Variants in BRD9 observed in about 807,000 individuals in gnomAD.
BRD9 encodes bromodomain containing 9.
In BRD9, 47 loss-of-function variants were observed where a neutral mutation model predicts 68.7. The observed-to-expected ratio is 0.68, with a 90% confidence interval of 0.54 to 0.87. BRD9 has a LOEUF of 0.87. Among genes scored for constraint, BRD9 ranks in the 40% least tolerant of loss-of-function variants. BRD9 has a pLI of 0.00. For synonymous variants in BRD9, 313 were observed against 293.9 expected, an observed-to-expected ratio of 1.06 and a Z score of -0.67; for missense variants, 670 against 748.4, an observed-to-expected ratio of 0.90 and a Z score of 1.22.
rs753463923 is a variant in BRD9 at position 865,594 on chromosome 5, G to A, written c.1526-13C>T. The A allele has an allele frequency of 3.2e-6, 5 of 1,579,058 alleles. No homozygotes were observed. The highest frequency in any genetic ancestry group is 1.3e-5 in the African/African-American group (1 of 74,362). The stretch of plus-strand genomic sequence containing the variant: ...TTCTTCACCTTCCCTGTGTAAACAG[G>A]ACATGACCCCACGTCGGCTGAGCTC... On this transcript the variant is annotated splice_polypyrimidine_tract_variant and intron_variant, in intron 14 of 15. Transcript: ENST00000467963.
chr5:888,081 C>G (rs753868560), intron 5 of BRD9, among the ~76,000 whole-genome samples: 10 of 152,228 alleles, frequency 6.6e-5, no homozygotes, highest in Admixed American at 1.3e-4. Context: ...ACCCCGGAGG[C>G]CGGCCACCCT....
chr5:887,165 C>A (rs1463306858), intron 6 of BRD9, among the ~76,000 whole-genome samples, 196 bp downstream of exon 6: 1 of 152,240 alleles, frequency 6.6e-6, no homozygotes, highest in Non-Finnish European at 1.5e-5. Context: ...TTTCCACCAA[C>A]CCTCAATGAG....
At chr5:889,892 A>G (rs1753106201) in intron 3 of BRD9, 21 of 607,594 alleles carry the variant, frequency 3.5e-5, no homozygotes, top group South Asian at 2.8e-4. Context: ...TACATCAACA[A>G]TATGTGGTGA....
rs550796943 is a variant in BRD9 at position 881,080 on chromosome 5, T to G, written c.1042+27A>C. 20 of 1,611,920 alleles carry G rather than the reference T, an allele frequency of 1.2e-5. No homozygotes were observed. The South Asian group carries it at 2.2e-4, about 18-fold the overall frequency. On this transcript the variant is annotated intron_variant, in intron 9 of 15. Transcript: ENST00000467963. The stretch of plus-strand genomic sequence containing the variant: ...CCCAAAAAGCAGTGTACGGAGAGCA[T>G]AAAGCCAGCCCTGAGCGGGCACCCA...
intron 2 of BRD9, 157 bp from the exon 3 acceptor site, chr5:891,444 G>C: frequency 2.3e-6 from 3 of 1,315,150 alleles, no homozygotes; most frequent in South Asian, 1.5e-5. Flanking sequence ...AGAGACCCTG[G>C]CAGGGTCTGC....
intron 13 of BRD9, among the ~76,000 whole-genome samples, chr5:871,071 G>A (rs1463706411): frequency 6.6e-6 from 1 of 152,208 alleles, no homozygotes; most frequent in Non-Finnish European, 1.5e-5. Flanking sequence ...CAGGTTCCCA[G>A]GGACCCTGGA....
chr5:864,649 T>C (rs1749071474), intron 15 of BRD9, 81 bp from the exon 16 acceptor site: 2 of 1,272,064 alleles, frequency 1.6e-6, no homozygotes, highest in East Asian at 2.4e-5. Flanking sequence ...CAAGGTCTGC[T>C]TCCTGACCTA....
In BRD9 at chr5:891,230, C is replaced by T. The variant is rs1036942086; in HGVS notation, c.325G>A (p.Asp109Asn). ...EHCDTEGEADDFDPGKKVEVE... is the reference protein window; with the variant it reads ...EHCDTEGEADNFDPGKKVEVE... ...TCCACCTTCTTCCCAGGATCAAAGT[C>T]GTCAGCCTCTCCCTCCGTGTCACAG... The change falls in exon 3 of 16, where the codon GAC becomes AAC. Residue 109 changes from aspartate to asparagine, a missense_variant. Asp to Asn is a conservative substitution (Grantham distance 23). This residue lies in a region of BRD9 where 161 missense variants were observed against 148.1 expected (regional missense o/e 1.09). Transcript: ENST00000467963. The T allele has an allele frequency of 4.5e-6, 7 of 1,551,800 alleles. No homozygotes were observed. The African/African-American group carries it at 8.2e-5, about 18-fold the overall frequency.
chr5:885,926 G>A (rs1173234829), intron 7 of BRD9, among the ~76,000 whole-genome samples: 16 of 152,182 alleles, frequency 1.1e-4, no homozygotes, highest in Non-Finnish European at 2.4e-4. Context: ...CAATCTCAAT[G>A]CTCAGCCACC....
intron 8 of BRD9, chr5:883,087 C>T (rs1579979140): frequency 2.8e-6 from 1 of 358,034 alleles, no homozygotes; most frequent in South Asian, 2.1e-5. Context: ...CACGACCTCC[C>T]AACACGTGAG....
chr5:883,783 T>G, intron 8 of BRD9, 155 bp downstream of exon 8: 1 of 1,072,910 alleles, frequency 9.3e-7, no homozygotes, highest in Non-Finnish European at 1.3e-6. Context: ...GAGACCAGCC[T>G]TATGTGTGTC....
intron 3 of BRD9, 161 bp from the exon 4 acceptor site, chr5:889,808 C>A: frequency 6.9e-7 from 1 of 1,445,048 alleles, no homozygotes; most frequent in Admixed American, 2.1e-5. Flanking sequence ...TTGGCTCCCA[C>A]CAAGCTCAGC....
At chr5:889,286 G>T in intron 4 of BRD9, 121 bp from the exon 5 acceptor site, 2 of 1,120,582 alleles carry the variant, frequency 1.8e-6, no homozygotes, top group South Asian at 1.5e-5. Context: ...AAAAAGTTAC[G>T]AGCGTCTTTT....
Position 865,512 on chromosome 5 carries a change from T to C in BRD9, c.1595A>G (p.Gln532Arg), listed in dbSNP as rs1560888527. Reference protein sequence around the residue: ...LNLDETTKLLQDLHEAQAERG... With the variant: ...LNLDETTKLLRDLHEAQAERG... ...CTCCGCCTGTGCTTCGTGCAGGTCC[T>C]GCAGGAGCTTCGTCGTCTCATCCAA... Residue 532 changes from glutamine (Q) to arginine (R), a missense_variant, in exon 15 of 16, where the codon CAG (glutamine) becomes CGG (arginine). Physicochemically the swap from Gln to Arg is conservative, Grantham distance 43 (BLOSUM62 1). Around this residue, in one of 5 missense-constraint regions of BRD9, gnomAD observed 280 missense variants for 281.5 expected, o/e 0.99. Transcript: ENST00000467963. 2 of 1,608,012 alleles carry C rather than the reference T, an allele frequency of 1.2e-6. No homozygotes were observed. The highest frequency in any genetic ancestry group is 8.5e-7 in the Non-Finnish European group (1 of 1,179,146).
intron 13 of BRD9, 127 bp downstream of exon 13, chr5:871,399 T>C: frequency 1.2e-6 from 1 of 829,288 alleles, no homozygotes; most frequent in Non-Finnish European, 2.1e-6. Flanking sequence ...CTATTGATCT[T>C]ACTGATCAGA....
chr5:884,141 C>A, intron 7 of BRD9, 71 bp from the exon 8 acceptor site: 1 of 1,572,426 alleles, frequency 6.4e-7, no homozygotes, highest in Non-Finnish European at 8.6e-7. Flanking sequence ...CATGCGTCGG[C>A]ACCTAACCCA....
At chr5:880,754 G>C (rs1472011723) in intron 9 of BRD9, among the ~76,000 whole-genome samples, 5 of 152,236 alleles carry the variant, frequency 3.3e-5, no homozygotes, top group Non-Finnish European at 5.9e-5. Flanking sequence ...AAGGAGCAGG[G>C]TGGGCCAGCA....
intron 1 of BRD9, chr5:892,357 G>A (rs1323552231): frequency 1.2e-6 from 1 of 839,388 alleles, no homozygotes; most frequent in Non-Finnish European, 1.7e-6. Context: ...TAGTCTCCAG[G>A]ACCGGGGTGA....
At position 878,237 on chromosome 5, in the gene BRD9, T is replaced by G. The variant is rs1301127511; in HGVS notation, c.1271+118A>C. 2.1e-6 allele frequency: 3 copies of G among 1,445,858 alleles called. No homozygotes were observed. The African/African-American group carries it at 4.2e-5, about 20-fold the overall frequency. The allele number at this position is 1,445,858 out of a possible 1,614,324, so 89.6% of individuals were successfully genotyped here. The stretch of plus-strand genomic sequence containing the variant: ...AGCAACGGGAAGACCCAGGCTGCCA[T>G]ATGGACGGCTGCAAGATGGCTCTCT... On this transcript the variant is annotated intron_variant, in intron 11 of 15. Coordinates refer to ENST00000467963, the MANE Select transcript of BRD9 (RefSeq NM_023924.5).
Sources: gnomAD v4.1 joint callset for allele counts (sites outside exome capture counted in the v4.1 genomes callset) on GRCh38, gnomAD v4.1.1 for gene constraint, gnomAD v4.1.1 regional missense constraint, MANE v1.5 for transcripts, NCBI Gene and HGNC (gene_info 2026-07-23, HGNC 2026-07-21) for gene names.